The following RBM44 variants were observed in gnomAD, a reference collection of about 807,000 sequenced individuals.
RBM44 encodes the protein RNA binding motif protein 44.
In RBM44, 66 loss-of-function variants were observed where a neutral mutation model predicts 105.1. That is an observed-to-expected ratio of 0.63 (90% CI 0.52 to 0.77). The LOEUF is 0.77. Among genes scored for constraint, RBM44 ranks in the 30% least tolerant of loss-of-function variants. The pLI is 0.00. For synonymous variants in RBM44, 365 were observed against 417.6 expected (o/e 0.87, Z 1.54); for missense variants, 1,122 against 1,207.8 (o/e 0.93, Z 1.05).
chr2:237,804,070 A>G (rs1221534415), intron 1 of RBM44, among the ~76,000 whole-genome samples: 2 of 151,974 alleles, frequency 1.3e-5, no homozygotes, highest in East Asian at 1.9e-4. Context: ...GGGTTTCACC[A>G]TGTTGGCCAG....
Position 237,817,296 on chromosome 2 carries a change from T to C in RBM44, c.377T>C (p.Leu126Pro). 1.2e-6 allele frequency: 2 copies of C among 1,606,664 alleles called. No individual in the cohort carries two copies. Among genetic ancestry groups the C allele is most frequent in the Non-Finnish European group, 1.7e-6 (2 of 1,176,328 alleles). ...GAGTCAAAACTAAAGAAGGAAAGTC[T>C]TACTCCTTTAAGTTCAGAATTAGAT... ...YSESKLKKES[L>P]TPLSSELDPE... The change falls in exon 3 of 16, where the codon CTT (leucine) becomes CCT (proline). Residue 126 changes from leucine to proline, a missense_variant. By Grantham distance (98) the Leu-to-Pro change is moderately conservative (BLOSUM62 -3). Coordinates refer to ENST00000316997, the MANE Select transcript of RBM44 (RefSeq NM_001080504.3).
intron 12 of RBM44, among the ~76,000 whole-genome samples, chr2:237,828,947 C>G (rs534070043): frequency 6.6e-6 from 1 of 151,972 alleles, no homozygotes; most frequent in South Asian, 2.1e-4. Flanking sequence ...ATATTAGCTT[C>G]GCAAATATTT....
rs780332302 is a variant in RBM44 at position 237,841,046 on chromosome 2, C to T, written c.*23-793C>T. The stretch of plus-strand genomic sequence containing the variant: ...AAGAACTTAAAACAGAACTACCATT[C>T]GGGCCAGCAATCCCATTGTTGAGTA... On this transcript the variant is annotated intron_variant, in intron 15 of 15. Transcript: ENST00000316997. This position sits in a 1 kb window ranked among gnomAD's most constrained non-coding sequence, Gnocchi z 4.5. Among the ~76,000 whole-genome samples, 5 of 152,184 alleles carry T rather than the reference C, an allele frequency of 3.3e-5. No individual in the cohort carries two copies. The highest frequency in any genetic ancestry group is 1.9e-4 in the East Asian group (1 of 5,204).
At chr2:237,839,148 C>A (rs2061986612) in intron 15 of RBM44, among the ~76,000 whole-genome samples, 1 of 152,192 alleles carries the variant, frequency 6.6e-6, no homozygotes. Flanking sequence ...CAGTCTTAGG[C>A]CTGCTACTTT....
chr2:237,830,129 C>T (rs993634820), intron 13 of RBM44, among the ~76,000 whole-genome samples: 5 of 152,134 alleles, frequency 3.3e-5, no homozygotes, highest in Admixed American at 3.3e-4. Context: ...TTATCTTGTG[C>T]TCTGATCTGT....
At chr2:237,837,635 T>G (rs2061972993) in intron 15 of RBM44, among the ~76,000 whole-genome samples, 1 of 152,224 alleles carries the variant, frequency 6.6e-6, no homozygotes, top group Admixed American at 6.5e-5. Flanking sequence ...GATGAGAAGT[T>G]CCTTATTGTG....
intron 1 of RBM44, among the ~76,000 whole-genome samples, chr2:237,802,895 A>G (rs899476316): frequency 7.9e-5 from 12 of 152,208 alleles, no homozygotes; most frequent in African/African-American, 2.7e-4. Context: ...GGTTTTAACA[A>G]TTTGTATTCC....
intron 9 of RBM44, 36 bp from the exon 10 acceptor site, chr2:237,824,255 C>CACT: frequency 6.2e-7 from 1 of 1,607,232 alleles, no homozygotes; most frequent in South Asian, 1.1e-5. Flanking sequence ...TTGGACGTTA[C>CACT]GTGTCATTCA....
intron 8 of RBM44, among the ~76,000 whole-genome samples, chr2:237,822,901 C>T (rs1324988768): frequency 1.3e-5 from 2 of 151,938 alleles, no homozygotes; most frequent in Non-Finnish European, 2.9e-5. Context: ...ATTTCAGCTA[C>T]TCATGTACCA....
intron 1 of RBM44, among the ~76,000 whole-genome samples, chr2:237,811,678 C>CT (rs1166528534): frequency 1.3e-5 from 2 of 149,296 alleles, no homozygotes; most frequent in East Asian, 3.9e-4. Flanking sequence ...GCTTCTGAGT[C>CT]TTTAAAAAAA....
At chr2:237,834,676 G>C in intron 15 of RBM44, 1 of 185,326 alleles carries the variant, frequency 5.4e-6, no homozygotes, top group African/African-American at 2.4e-5. Flanking sequence ...TGACTTAGCC[G>C]GGTAGTTTTA....
At chr2:237,813,126 C>A (rs1037603333) in intron 1 of RBM44, among the ~76,000 whole-genome samples, 2 of 152,174 alleles carry the variant, frequency 1.3e-5, no homozygotes, top group Non-Finnish European at 2.9e-5. Context: ...CTCTTCCCAT[C>A]TCCCACAACC....
intron 4 of RBM44, 46 bp downstream of exon 4, chr2:237,819,005 C>G: frequency 9.9e-7 from 1 of 1,005,948 alleles, no homozygotes; most frequent in Non-Finnish European, 1.5e-6. Flanking sequence ...AAGAAAAAAT[C>G]AAAATAGTAT....
chr2:237,809,909 G>T (rs1277644573), intron 1 of RBM44, among the ~76,000 whole-genome samples: 1 of 152,142 alleles, frequency 6.6e-6, no homozygotes, highest in Admixed American at 6.5e-5. Flanking sequence ...TCCAGCCTGG[G>T]TAGAAGAGCA....
At chr2:237,824,746 TCC>T (rs535393176) in intron 10 of RBM44, among the ~76,000 whole-genome samples, 124 of 152,302 alleles carry the variant, frequency 8.1e-4, no homozygotes, top group Admixed American at 3.1e-3. Flanking sequence ...AAGACCAGCT[TCC>T]CAGTTACCAC....
intron 9 of RBM44, among the ~76,000 whole-genome samples, chr2:237,823,926 CTTAA>C (rs780410909): frequency 6.6e-6 from 1 of 152,078 alleles, no homozygotes; most frequent in Non-Finnish European, 1.5e-5. Flanking sequence ...TGCAACGCGG[CTTAA>C]TTCTTTCAAA....
intron 1 of RBM44, among the ~76,000 whole-genome samples, chr2:237,809,584 T>C (rs1188283836): frequency 6.6e-6 from 1 of 152,226 alleles, no homozygotes; most frequent in Non-Finnish European, 1.5e-5. Flanking sequence ...CTTCAACCTT[T>C]TTCAACTTTG....
At chr2:237,801,441 C>T (rs2061545326) in intron 1 of RBM44, among the ~76,000 whole-genome samples, 1 of 152,192 alleles carries the variant, frequency 6.6e-6, no homozygotes, top group African/African-American at 2.4e-5. Flanking sequence ...CCTCCCACTT[C>T]AGCTTCCCAA....
At chr2:237,824,156 C>T (rs2061822837) in intron 9 of RBM44, 135 bp from the exon 10 acceptor site, 2 of 655,572 alleles carry the variant, frequency 3.1e-6, no homozygotes, top group South Asian at 9.8e-5. Context: ...TCTTATTTTG[C>T]TAATATTTCT....
Sources: allele counts gnomAD v4.1 joint callset (sites outside exome capture counted in the v4.1 genomes callset), GRCh38; gene constraint gnomAD v4.1.1; non-coding constraint Gnocchi (gnomAD v3.1); transcripts MANE v1.5; gene names NCBI Gene and HGNC (gene_info 2026-07-23, HGNC 2026-07-21).